IDO2: variants seen among roughly 807,000 people sequenced by gnomAD.
IDO2 encodes indoleamine 2,3-dioxygenase-like 1 protein.
IDO2 carries 46 observed loss-of-function variants against 45.1 expected under a neutral mutation model. That is an observed-to-expected ratio of 1.02 (90% CI 0.80 to 1.30). IDO2 has a LOEUF of 1.30. Among genes scored for constraint, IDO2 ranks in the 50% most tolerant of loss-of-function variants. IDO2 has a pLI of 0.00. For missense variants in IDO2, 544 were observed against 491.8 expected, an observed-to-expected ratio of 1.11 and a Z score of -1.00; for synonymous variants, 218 against 184.9, an observed-to-expected ratio of 1.18 and a Z score of -1.45.
intron 8 of IDO2, among the ~76,000 whole-genome samples, chr8:40,000,392 G>A (rs1173676035): frequency 6.6e-6 from 1 of 151,186 alleles, no homozygotes. Flanking sequence ...TGTGGCAACA[G>A]AGTGAGACTC....
At chr8:39,987,897 C>A in exon 7 of IDO2, 1 of 1,610,762 alleles carries the variant, frequency 6.2e-7, no homozygotes, top group Non-Finnish European at 8.5e-7. Context: ...ATCTCATTTC[C>A]TGGGGGAGAG....
intron 2 of IDO2, among the ~76,000 whole-genome samples, chr8:39,958,936 C>G (rs1807946143): frequency 6.6e-6 from 1 of 152,108 alleles, no homozygotes; most frequent in East Asian, 1.9e-4. Context: ...AAAGAATGAT[C>G]CAGAAACAAA....
chr8:39,996,073 T>TAAAA (rs59691325), intron 8 of IDO2, among the ~76,000 whole-genome samples: 77 of 141,624 alleles, frequency 5.4e-4, no homozygotes, highest in Middle Eastern at 3.9e-3. Context: ...TACCTAAGAG[T>TAAAA]AAAAAAAAAA....
intron 1 of IDO2, among the ~76,000 whole-genome samples, chr8:39,946,893 C>T (rs1274511142): frequency 6.6e-6 from 1 of 151,994 alleles, no homozygotes; most frequent in African/African-American, 2.4e-5. Context: ...GGAGAGGTGG[C>T]TCATGCCTGT....
intron 1 of IDO2, among the ~76,000 whole-genome samples, chr8:39,938,345 A>T (rs1807589795): frequency 6.6e-6 from 1 of 152,148 alleles, no homozygotes. Context: ...TTTGTATATA[A>T]ATGAATTTTA....
At chr8:40,010,091 A>C (rs1308924387) in intron 9 of IDO2, among the ~76,000 whole-genome samples, 1 of 152,074 alleles carries the variant, frequency 6.6e-6, no homozygotes, top group Non-Finnish European at 1.5e-5. Flanking sequence ...AGCGTCATAC[A>C]ATATACATTA....
At chr8:39,980,835 G>A (rs544511867) in intron 4 of IDO2, among the ~76,000 whole-genome samples, 4 of 150,088 alleles carry the variant, frequency 2.7e-5, no homozygotes, top group South Asian at 2.1e-4. Flanking sequence ...CTGCAACCTC[G>A]GCTTCCTGGG....
At chr8:39,973,861 C>G (rs1279879052) in intron 3 of IDO2, among the ~76,000 whole-genome samples, 1 of 151,908 alleles carries the variant, frequency 6.6e-6, no homozygotes, top group Non-Finnish European at 1.5e-5. Flanking sequence ...CCTGCCTCAG[C>G]CTCCCGAGTA....
intron 5 of IDO2, among the ~76,000 whole-genome samples, chr8:39,983,788 C>T (rs757804105): frequency 9.2e-5 from 14 of 151,966 alleles, no homozygotes; most frequent in Middle Eastern, 3.4e-3. Context: ...ATTGCTTGAA[C>T]GAAGGAAGTA....
intron 10 of IDO2, among the ~76,000 whole-genome samples, chr8:40,014,997 C>CA (rs1369321855): frequency 1.3e-5 from 2 of 151,690 alleles, no homozygotes; most frequent in South Asian, 2.1e-4. Flanking sequence ...AAAAGGAATA[C>CA]AAAAAAATAT....
intron 8 of IDO2, chr8:39,997,824 C>G (rs1308736439): frequency 1.3e-5 from 2 of 156,066 alleles, no homozygotes; most frequent in East Asian, 3.8e-4. Context: ...AACACACACT[C>G]TCACTTCCCT....
chr8:39,982,327 G>C (rs1808366287), intron 4 of IDO2, among the ~76,000 whole-genome samples: 1 of 150,956 alleles, frequency 6.6e-6, no homozygotes, highest in South Asian at 2.1e-4. Context: ...ATATTCTCGG[G>C]CCCCAGTTTA....
Position 39,953,710 on chromosome 8 carries a change from C to A in IDO2, c.99+4446C>A, listed in dbSNP as rs554465247. Among the ~76,000 whole-genome samples the A allele has an allele frequency of 9.9e-5, 15 of 152,162 alleles. No homozygotes were observed. The South Asian group carries it at 3.1e-3, about 32-fold the overall frequency. ...CCTGAGTAGCTGGGATTACAGGAGC[C>A]CACCACCAACCACACCCAGCTAATT... On this transcript the variant is annotated intron_variant, in intron 2 of 10. Coordinates refer to ENST00000502986, the Ensembl canonical transcript of IDO2.
intron 3 of IDO2, among the ~76,000 whole-genome samples, chr8:39,971,232 T>C (rs547492824): frequency 7.9e-4 from 120 of 152,296 alleles, no homozygotes; most frequent in African/African-American, 2.7e-3. Flanking sequence ...CTGCCTGTGC[T>C]CTGTAAACGG....
chr8:39,993,849 A>C (rs182357619), intron 8 of IDO2, among the ~76,000 whole-genome samples: 70 of 152,152 alleles, frequency 4.6e-4, no homozygotes, highest in Admixed American at 1.3e-3. Flanking sequence ...TCTAGTAAAA[A>C]CACAAAAATT....
In IDO2 at chr8:39,982,936, C is replaced by A. The variant is rs78103174; in HGVS notation, c.434+166C>A. 3.9e-5 allele frequency among the ~76,000 whole-genome samples: 6 copies of A among 152,288 alleles called. No homozygotes were observed. The East Asian group carries it at 1.2e-3, about 29-fold the overall frequency. On this transcript the variant is annotated intron_variant, in intron 5 of 10. Transcript: ENST00000502986. ...ATATCACAGGCCCCAGAAGTTTCCT[C>A]TTAATCCATTCTGAACACATTGGCT...
intron 2 of IDO2, among the ~76,000 whole-genome samples, chr8:39,961,888 G>A (rs989126223): frequency 7.9e-5 from 12 of 152,138 alleles, no homozygotes; most frequent in Non-Finnish European, 1.3e-4. Flanking sequence ...CAATTGTGCA[G>A]GTTATGCACT....
intron 8 of IDO2, among the ~76,000 whole-genome samples, chr8:40,000,933 G>T (rs563737635): frequency 1.3e-5 from 2 of 152,200 alleles, no homozygotes; most frequent in East Asian, 3.9e-4. Flanking sequence ...TCTGATAGGC[G>T]TATAGTGGTG....
At chr8:40,002,192 AG>A (rs200278685) in intron 8 of IDO2, among the ~76,000 whole-genome samples, 15,930 of 152,296 alleles carry the variant, frequency 0.1, 917 homozygotes, top group Middle Eastern at 0.19. Flanking sequence ...ATCTGTAAGT[AG>A]TATGAGATGA....
Sources: gnomAD v4.1 joint callset for allele counts (sites outside exome capture counted in the v4.1 genomes callset) on GRCh38, gnomAD v4.1.1 for gene constraint, MANE v1.5 for transcripts, NCBI Gene and HGNC (gene_info 2026-07-23, HGNC 2026-07-21) for gene names.